BACH2: variants seen among roughly 807,000 people sequenced by gnomAD.
BACH2 encodes BACH transcriptional regulator 2, also known as transcription regulator protein BACH2.
A neutral mutation model predicts 61.8 loss-of-function variants in BACH2; 5 were observed. The observed-to-expected ratio is 0.08, with a 90% CI of 0.04 to 0.17. The LOEUF is 0.17. Among genes scored for constraint, BACH2 ranks in the 10% least tolerant of loss-of-function variants. BACH2 has a pLI of 1.00. For missense variants in BACH2, 824 were observed against 1,091.1 expected (o/e 0.76, Z 3.45); for synonymous variants, 446 against 440.1 (o/e 1.01, Z -0.17).
At chr6:90,000,085 C>T (rs556025384) in intron 6 of BACH2, among the ~76,000 whole-genome samples, 3 of 152,290 alleles carry the variant, frequency 2.0e-5, no homozygotes, top group Admixed American at 6.5e-5. Flanking sequence ...TTGGAAACAG[C>T]TTATGTGTCT....
At chr6:90,293,723 C>T (rs1772252500) in intron 1 of BACH2, among the ~76,000 whole-genome samples, 2 of 152,142 alleles carry the variant, frequency 1.3e-5, no homozygotes, top group South Asian at 4.1e-4. Flanking sequence ...TTATTATTAC[C>T]CTCTATCAGG....
intron 4 of BACH2, among the ~76,000 whole-genome samples, chr6:90,161,420 C>T (rs995075341): frequency 6.6e-6 from 1 of 152,154 alleles, no homozygotes; most frequent in Non-Finnish European, 1.5e-5. Flanking sequence ...AGGTAAATTA[C>T]AGCTACTCTT....
chr6:90,087,554 G>A (rs749410920), intron 5 of BACH2, among the ~76,000 whole-genome samples: 3 of 151,980 alleles, frequency 2.0e-5, no homozygotes, highest in Non-Finnish European at 4.4e-5. Flanking sequence ...TTCTATTAAC[G>A]TGGAATAAAT....
chr6:89,963,865 T>A (rs1312599842), intron 6 of BACH2, among the ~76,000 whole-genome samples: 1 of 152,220 alleles, frequency 6.6e-6, no homozygotes, highest in Non-Finnish European at 1.5e-5. Flanking sequence ...TACAATGGAC[T>A]CTCAGCCTTA....
chr6:90,126,313 T>C (rs1028256911), intron 4 of BACH2, among the ~76,000 whole-genome samples: 1 of 152,182 alleles, frequency 6.6e-6, no homozygotes, highest in East Asian at 1.9e-4. Context: ...GGATAGGGAC[T>C]CGGGAACACA....
chr6:90,024,642 CTG>C (rs1778543716), intron 5 of BACH2, among the ~76,000 whole-genome samples: 1 of 152,122 alleles, frequency 6.6e-6, no homozygotes, highest in Admixed American at 6.5e-5. Flanking sequence ...GCTTTTCTAA[CTG>C]TGGTTCCTGA....
At chr6:90,168,827 TCGCTGGACACC>T (rs1313481428) in intron 4 of BACH2, among the ~76,000 whole-genome samples, 5 of 152,352 alleles carry the variant, frequency 3.3e-5, no homozygotes, top group African/African-American at 1.2e-4. Context: ...AATCTTGGAA[TCGCTGGACACC>T]ACTACCTTAT....
chr6:89,935,079 T>C (rs972961822), intron 8 of BACH2, among the ~76,000 whole-genome samples: 6 of 152,036 alleles, frequency 3.9e-5, no homozygotes, highest in African/African-American at 1.5e-4. Flanking sequence ...TTGCAACAGC[T>C]GAGTGGCGGG....
chr6:90,121,638 G>T (rs1168198601), intron 4 of BACH2, among the ~76,000 whole-genome samples: 1 of 152,098 alleles, frequency 6.6e-6, no homozygotes, highest in Non-Finnish European at 1.5e-5. Context: ...CACCTTCCGG[G>T]CTCAAGCAAT....
chr6:90,155,701 T>C (rs908406879), intron 4 of BACH2, among the ~76,000 whole-genome samples: 1 of 152,218 alleles, frequency 6.6e-6, no homozygotes, highest in Non-Finnish European at 1.5e-5. Context: ...TTTCCTGCTC[T>C]GTTTTTAAAT....
intron 5 of BACH2, among the ~76,000 whole-genome samples, chr6:90,060,199 AG>A (rs536592834): frequency 0.011 from 1,703 of 152,042 alleles, 27 homozygotes; most frequent in African/African-American, 0.038. Context: ...TTAAAAAAAA[AG>A]AAAAATTCTG....
chr6:90,076,468 A>G (rs1048242759), intron 5 of BACH2, among the ~76,000 whole-genome samples: 1 of 152,220 alleles, frequency 6.6e-6, no homozygotes, highest in Non-Finnish European at 1.5e-5. Context: ...TCACATGTAC[A>G]CATTTGTAAC....
intron 5 of BACH2, among the ~76,000 whole-genome samples, chr6:90,029,507 A>C (rs1281873042): frequency 6.6e-6 from 1 of 151,978 alleles, no homozygotes; most frequent in Admixed American, 6.6e-5. Flanking sequence ...CTCCCTGTTT[A>C]TGTTTCTTTA....
chr6:90,238,826 C>T (rs1770341064), intron 3 of BACH2, among the ~76,000 whole-genome samples: 2 of 152,148 alleles, frequency 1.3e-5, no homozygotes, highest in African/African-American at 4.8e-5. Flanking sequence ...TGATGTGCTT[C>T]CTTCTTGGGG....
intron 5 of BACH2, among the ~76,000 whole-genome samples, chr6:90,075,902 G>A (rs888584758): frequency 3.3e-5 from 5 of 152,132 alleles, no homozygotes; most frequent in Non-Finnish European, 5.9e-5. Context: ...TTTCAAGAAT[G>A]AGCATTTGAA....
intron 5 of BACH2, among the ~76,000 whole-genome samples, chr6:90,044,589 G>A (rs1779696293): frequency 6.6e-6 from 1 of 152,214 alleles, no homozygotes; most frequent in African/African-American, 2.4e-5. Flanking sequence ...TGTAGGGTCA[G>A]ACTGGAAGCA....
chr6:89,986,998 G>A (rs184044501), intron 6 of BACH2, among the ~76,000 whole-genome samples: 1 of 152,162 alleles, frequency 6.6e-6, no homozygotes, highest in African/African-American at 2.4e-5. Context: ...TCAAAGAGAA[G>A]TGTCTGGTGA....
At chr6:89,940,100 TC>T (rs1773333093) in intron 7 of BACH2, among the ~76,000 whole-genome samples, 1 of 152,118 alleles carries the variant, frequency 6.6e-6, no homozygotes, top group African/African-American at 2.4e-5. Context: ...AAACTCCACC[TC>T]CCTGGTTCAA....
In BACH2 at chr6:90,008,731, G is replaced by A. The variant is rs1020954938; in HGVS notation, c.114C>T (p.Asp38=). The A allele has an allele frequency of 8.1e-6, 13 of 1,614,050 alleles. No individual in the cohort carries two copies. The highest frequency in any genetic ancestry group is 2.2e-5 in the East Asian group (1 of 44,898). Residue 38 remains aspartate (D), a synonymous_variant, in exon 6 of 9, where the codon GAC becomes GAT. Transcript: ENST00000257749. This position sits in a 1 kb window ranked among gnomAD's most constrained non-coding sequence, Gnocchi z 4.1. Reference sequence around the variant, plus strand: ...CCTTCCTCTCCACGATCAAAGTCACGTCACAGAGAATATCCTTTTTCCGCT... The same window carrying A: ...CCTTCCTCTCCACGATCAAAGTCACATCACAGAGAATATCCTTTTTCCGCT... The part of the protein sequence containing the change: ...NDQRKKDILC[D]VTLIVERKEF...
Sources: gnomAD v4.1 joint callset for allele counts (sites outside exome capture counted in the v4.1 genomes callset) on GRCh38, gnomAD v4.1.1 for gene constraint, Gnocchi (gnomAD v3.1) non-coding constraint, MANE v1.5 for transcripts, NCBI Gene and HGNC (gene_info 2026-07-23, HGNC 2026-07-21) for gene names.